DDAH1: variants seen among roughly 807,000 people sequenced by gnomAD.
DDAH1 encodes dimethylarginine dimethylaminohydrolase 1, also known as N(G),N(G)-dimethylarginine dimethylaminohydrolase 1.
A neutral mutation model predicts 28.8 loss-of-function variants in DDAH1; 19 were observed. The observed-to-expected ratio is 0.66, with a 90% CI of 0.46 to 0.97. DDAH1 has a LOEUF of 0.97. Among genes scored for constraint, DDAH1 ranks in the 50% least tolerant of loss-of-function variants. The probability of loss-of-function intolerance (pLI) is 0.00; values close to 1 mark genes in which losing one functional copy is unlikely to be tolerated. For synonymous variants in DDAH1, 153 were observed against 154.4 expected (o/e 0.99, Z 0.07); for missense variants, 326 against 375.9 (o/e 0.87, Z 1.10).
intron 5 of DDAH1, 61 bp from the exon 6 acceptor site, chr1:85,321,629 TGGAGAA>T (rs1478480749): frequency 1.6e-6 from 2 of 1,288,710 alleles, no homozygotes; most frequent in African/African-American, 2.9e-5. Context: ...TCCTCAGAAG[TGGAGAA>T]TCAATTTGAT....
intron 4 of DDAH1, among the ~76,000 whole-genome samples, chr1:85,326,889 A>G (rs1018999475): frequency 6.6e-6 from 1 of 152,190 alleles, no homozygotes; most frequent in South Asian, 2.1e-4. Context: ...AGACACTCCT[A>G]AAGATTAACT....
intron 1 of DDAH1, among the ~76,000 whole-genome samples, chr1:85,432,955 C>T (rs2100638685): frequency 6.6e-6 from 1 of 152,152 alleles, no homozygotes; most frequent in East Asian, 1.9e-4. Context: ...TTAGTTTTGG[C>T]TTAAATATAT....
chr1:85,383,806 G>A (rs12140103), intron 1 of DDAH1, among the ~76,000 whole-genome samples: 53,519 of 152,040 alleles, frequency 0.35, 9,477 homozygotes, highest in South Asian at 0.41. Context: ...AAAGGCTCAG[G>A]TGATTGTCAG....
At chr1:85,375,837 C>T (rs765352272) in intron 1 of DDAH1, among the ~76,000 whole-genome samples, 6 of 151,956 alleles carry the variant, frequency 3.9e-5, no homozygotes, top group African/African-American at 9.7e-5. Context: ...AAGGGAAACA[C>T]GTATTAAACC....
rs200140492 is a variant in DDAH1, at chr1:85,556,196, TTCC to T, written c.-123+21785_-123+21787del. 9.6e-4 allele frequency among the ~76,000 whole-genome samples: 146 copies of T among 152,164 alleles called. 3 individuals carry two copies. The East Asian group carries it at 0.016, about 17-fold the overall frequency. On this transcript the variant is annotated intron_variant, in intron 1 of 6. Coordinates refer to the DDAH1 transcript ENST00000426972. ...CCCTGGGAACCAAAGCCAAAAAATG[TTCC>T]TCATTACTGCTGGTTCTTTGATCTC... is the stretch of plus-strand genomic sequence containing the variant.
At chr1:85,572,579 T>A (rs1384526748) in intron 1 of DDAH1, among the ~76,000 whole-genome samples, 1 of 152,226 alleles carries the variant, frequency 6.6e-6, no homozygotes, top group Non-Finnish European at 1.5e-5. Flanking sequence ...TGAGATTGTG[T>A]ATACTAACCA....
intron 1 of DDAH1, among the ~76,000 whole-genome samples, chr1:85,544,673 C>T (rs1658566704): frequency 6.6e-6 from 1 of 152,144 alleles, no homozygotes. Context: ...CCCACCCACT[C>T]ATCAGAGACT....
intron 1 of DDAH1, among the ~76,000 whole-genome samples, chr1:85,513,865 G>C (rs1290034633): frequency 6.6e-6 from 1 of 152,226 alleles, no homozygotes; most frequent in African/African-American, 2.4e-5. Flanking sequence ...AGATGCTGGA[G>C]AGGATGTGGA....
chr1:85,388,618 G>A (rs913203531), intron 1 of DDAH1, among the ~76,000 whole-genome samples: 7 of 152,090 alleles, frequency 4.6e-5, no homozygotes, highest in African/African-American at 1.7e-4. Flanking sequence ...AAAATGACAT[G>A]TTACATGAAA....
intron 1 of DDAH1, among the ~76,000 whole-genome samples, chr1:85,418,461 G>C (rs1207426076): frequency 6.6e-6 from 1 of 152,142 alleles, no homozygotes; most frequent in Non-Finnish European, 1.5e-5. Flanking sequence ...AGGAACAGAA[G>C]GTAAAAGACC....
At chr1:85,383,465 C>T (rs979714254) in intron 1 of DDAH1, among the ~76,000 whole-genome samples, 2 of 152,102 alleles carry the variant, frequency 1.3e-5, no homozygotes, top group South Asian at 2.1e-4. Context: ...GGAAACTGCT[C>T]CTGGTGAAGA....
chr1:85,504,444 C>G (rs552314981), intron 1 of DDAH1, among the ~76,000 whole-genome samples: 1 of 152,248 alleles, frequency 6.6e-6, no homozygotes, highest in African/African-American at 2.4e-5. Context: ...GGGTCACTCT[C>G]CTGGGTCACA....
At chr1:85,359,127 TACTGTTGGAGGCCGACTAGTTAAGAC>T (rs1649650334) in intron 1 of DDAH1, among the ~76,000 whole-genome samples, 1 of 152,216 alleles carries the variant, frequency 6.6e-6, no homozygotes, top group African/African-American at 2.4e-5. Flanking sequence ...GTAGTTACAA[TACTGTTGGAGGCCGACTAGTTAAGAC>T]ACTGTTGGAG....
At chr1:85,416,896 A>C (rs1315319646) in intron 1 of DDAH1, among the ~76,000 whole-genome samples, 1 of 151,984 alleles carries the variant, frequency 6.6e-6, no homozygotes, top group East Asian at 1.9e-4. Flanking sequence ...TCGAACTCCC[A>C]GGCTCAAGCA....
intron 1 of DDAH1, among the ~76,000 whole-genome samples, chr1:85,522,948 A>G (rs1657740410): frequency 6.6e-6 from 1 of 150,588 alleles, no homozygotes; most frequent in Non-Finnish European, 1.5e-5. Flanking sequence ...CTGGGCTCTC[A>G]GGATACCCAT....
At position 85,485,380 on chromosome 1, in the gene DDAH1, C is replaced by G. The variant is rs564607454; in HGVS notation, c.-7+10786G>C. Among the ~76,000 whole-genome samples the G allele has an allele frequency of 2.0e-5, 3 of 152,114 alleles. No individual in the cohort carries two copies. The South Asian group carries it at 6.2e-4, about 32-fold the overall frequency. On this transcript the variant is annotated intron_variant, in intron 2 of 6. Transcript: ENST00000426972. ...GGAGAATCACTGGCTTTTAAATGAG[C>G]TTAATTAATTATTTAATTAAGACAG...
At chr1:85,510,933 C>T (rs1260081176) in intron 1 of DDAH1, among the ~76,000 whole-genome samples, 1 of 152,184 alleles carries the variant, frequency 6.6e-6, no homozygotes, top group Non-Finnish European at 1.5e-5. Context: ...CAATATTAGA[C>T]AGATCAAAGA....
intron 1 of DDAH1, among the ~76,000 whole-genome samples, chr1:85,520,855 A>G (rs113267892): frequency 0.011 from 1,681 of 152,334 alleles, 32 homozygotes; most frequent in African/African-American, 0.038. Flanking sequence ...GCAATTAAAT[A>G]GAAGAGGTAG....
intron 1 of DDAH1, among the ~76,000 whole-genome samples, chr1:85,546,869 A>G (rs1270124066): frequency 6.6e-6 from 1 of 152,154 alleles, no homozygotes; most frequent in Non-Finnish European, 1.5e-5. Context: ...TAAGCAATAA[A>G]CTAACCTCAT....
Sources: allele counts gnomAD v4.1 joint callset (sites outside exome capture counted in the v4.1 genomes callset), GRCh38; gene constraint gnomAD v4.1.1; transcripts MANE v1.5; gene names NCBI Gene and HGNC (gene_info 2026-07-23, HGNC 2026-07-21).